Variants in HDAC9 observed in about 807,000 individuals in gnomAD.
The protein encoded by HDAC9 is MEF-2 interacting transcription repressor (MITR) protein.
Under a neutral mutation model 139.4 loss-of-function variants are expected in HDAC9, and 41 were observed. The ratio of observed to expected loss-of-function variants is 0.29; its 90% CI spans 0.23 to 0.38. The LOEUF (loss-of-function observed/expected upper bound fraction) is 0.38, where lower values mean the gene tolerates loss of function less well. Ranked by LOEUF, HDAC9 falls within the 10% of genes least tolerant of loss-of-function variation. The pLI is 1.00. For synonymous variants in HDAC9, 517 were observed against 476.2 expected (o/e 1.09, Z -1.12); for missense variants, 1,147 against 1,297.0 (o/e 0.88, Z 1.78).
Position 18,973,981 on chromosome 7 carries a change from C to A in HDAC9, c.3023-1825C>A, listed in dbSNP as rs1033178386. On this transcript the variant is annotated intron_variant, in intron 24 of 25. Transcript: ENST00000686413. The stretch of plus-strand genomic sequence containing the variant: ...CCCCTGATCATCCTCAGGTTGAAGT[C>A]CAGGATCATCAGAGTGTCATTCAAG... Among the ~76,000 whole-genome samples the A allele has an allele frequency of 1.9e-4, 29 of 152,138 alleles. 2 individuals are homozygous for A. Among genetic ancestry groups the A allele is most frequent in the Non-Finnish European group, 2.9e-5 (2 of 68,032 alleles).
At chr7:18,167,470 T>C (rs1788087188) in intron 2 of HDAC9, among the ~76,000 whole-genome samples, 1 of 152,196 alleles carries the variant, frequency 6.6e-6, no homozygotes, top group Admixed American at 6.5e-5. Context: ...ATAATTTTCA[T>C]TATTGTAACA....
intron 11 of HDAC9, among the ~76,000 whole-genome samples, chr7:18,665,516 G>A (rs1794596287): frequency 6.6e-6 from 1 of 151,916 alleles, no homozygotes; most frequent in African/African-American, 2.4e-5. Context: ...TAAATAAAAT[G>A]TCTAAATAAT....
intron 17 of HDAC9, among the ~76,000 whole-genome samples, chr7:18,801,835 C>A (rs866842335): frequency 3.6e-4 from 54 of 152,028 alleles, no homozygotes; most frequent in African/African-American, 1.2e-3. Context: ...CATATTGGAG[C>A]CAAATTTTCA....
chr7:18,332,182 T>C (rs544300725), intron 1 of HDAC9, among the ~76,000 whole-genome samples: 1 of 151,824 alleles, frequency 6.6e-6, no homozygotes, highest in Admixed American at 6.6e-5. Context: ...TATTTTTTCA[T>C]TTAGAGATTT....
chr7:18,610,776 A>T (rs573750558), intron 6 of HDAC9, among the ~76,000 whole-genome samples: 1 of 152,118 alleles, frequency 6.6e-6, no homozygotes, highest in Non-Finnish European at 1.5e-5. Context: ...ACTTTTCCCA[A>T]TCCTCTATGT....
intron 1 of HDAC9, among the ~76,000 whole-genome samples, chr7:18,447,148 G>A (rs1207409551): frequency 6.6e-6 from 1 of 151,934 alleles, no homozygotes; most frequent in Non-Finnish European, 1.5e-5. Flanking sequence ...TGGTATCATT[G>A]ACCTTTTAAA....
intron 1 of HDAC9, among the ~76,000 whole-genome samples, chr7:18,118,003 G>C (rs754492140): frequency 3.3e-5 from 5 of 152,082 alleles, no homozygotes; most frequent in Non-Finnish European, 5.9e-5. Context: ...ATCACTTACA[G>C]ATCTCTCTGA....
intron 2 of HDAC9, among the ~76,000 whole-genome samples, chr7:18,231,040 G>A (rs550008864): frequency 2.6e-5 from 4 of 152,322 alleles, no homozygotes; most frequent in African/African-American, 7.2e-5. Context: ...ATTGGGAATG[G>A]AAAGCCCACT....
intron 2 of HDAC9, among the ~76,000 whole-genome samples, chr7:18,271,922 A>G (rs972270834): frequency 6.6e-6 from 1 of 152,216 alleles, no homozygotes; most frequent in African/African-American, 2.4e-5. Context: ...TGCATCCATA[A>G]ATGAAGGAAG....
rs1227191637 is a variant in HDAC9, at chr7:18,213,257, T to C, written c.25+50908T>C. ...CAGTGATTAATTTTTCAATTTGGCA[T>C]TTAGAGAATGATGAGCAGTATTCAT... On this transcript the variant is annotated intron_variant, in intron 2 of 12. Coordinates refer to the HDAC9 transcript ENST00000417496. Among the ~76,000 whole-genome samples the C allele has an allele frequency of 2.6e-5, 4 of 152,198 alleles. No homozygotes were observed. The East Asian group carries it at 7.7e-4, about 29-fold the overall frequency.
chr7:18,169,184 A>G (rs1034828632), intron 2 of HDAC9, among the ~76,000 whole-genome samples: 2 of 151,918 alleles, frequency 1.3e-5, no homozygotes, highest in Admixed American at 6.6e-5. Context: ...TGATCCACCC[A>G]CCTCGGCCTC....
chr7:18,549,403 G>A (rs1275512697), intron 2 of HDAC9, among the ~76,000 whole-genome samples: 1 of 152,158 alleles, frequency 6.6e-6, no homozygotes, highest in Non-Finnish European at 1.5e-5. Context: ...AACATTCACA[G>A]TGTCCCTCAA....
intron 1 of HDAC9, among the ~76,000 whole-genome samples, chr7:18,416,484 T>C (rs911128686): frequency 6.6e-6 from 1 of 152,162 alleles, no homozygotes; most frequent in East Asian, 1.9e-4. Flanking sequence ...ATTGGTATTA[T>C]ATTTTCTTTA....
At chr7:18,421,287 A>G (rs553568204) in intron 1 of HDAC9, among the ~76,000 whole-genome samples, 1 of 152,214 alleles carries the variant, frequency 6.6e-6, no homozygotes, top group African/African-American at 2.4e-5. Context: ...CTTCTTTCCA[A>G]AATCTTTTAT....
chr7:18,638,987 G>A (rs1688484607), intron 8 of HDAC9, among the ~76,000 whole-genome samples: 3 of 152,098 alleles, frequency 2.0e-5, no homozygotes, highest in Admixed American at 2.0e-4. Flanking sequence ...TATTACTTTA[G>A]ATTCAGTAGA....
At chr7:18,616,338 C>G (rs1398895514) in intron 6 of HDAC9, among the ~76,000 whole-genome samples, 1 of 152,154 alleles carries the variant, frequency 6.6e-6, no homozygotes, top group Non-Finnish European at 1.5e-5. Context: ...CTGCAGTGTA[C>G]TTTGACTTAC....
intron 2 of HDAC9, among the ~76,000 whole-genome samples, chr7:18,232,172 C>T (rs1224242781): frequency 1.3e-5 from 2 of 152,088 alleles, no homozygotes; most frequent in Non-Finnish European, 2.9e-5. Context: ...TAGCTGGGGT[C>T]GTCTCCCTCC....
chr7:18,497,849 C>T (rs1649900080), intron 2 of HDAC9, among the ~76,000 whole-genome samples: 1 of 152,068 alleles, frequency 6.6e-6, no homozygotes, highest in South Asian at 2.1e-4. Context: ...TACATGCCTT[C>T]CAAGTAGCAA....
chr7:18,736,843 G>C (rs184388273), intron 13 of HDAC9, among the ~76,000 whole-genome samples: 3 of 152,236 alleles, frequency 2.0e-5, no homozygotes, highest in Admixed American at 6.5e-5. Context: ...GGTAGAATTC[G>C]GGTGTGAATC....
Sources: gnomAD v4.1 joint callset for allele counts (sites outside exome capture counted in the v4.1 genomes callset) on GRCh38, gnomAD v4.1.1 for gene constraint, MANE v1.5 for transcripts, NCBI Gene and HGNC (gene_info 2026-07-23, HGNC 2026-07-21) for gene names.